Variants in MAN1C1 observed in about 807,000 individuals in gnomAD.
MAN1C1 encodes the protein mannosyl-oligosaccharide 1,2-alpha-mannosidase IC.
MAN1C1 carries 49 observed loss-of-function variants against 71.5 expected under a neutral mutation model. The ratio of observed to expected loss-of-function variants is 0.69; its 90% CI spans 0.54 to 0.87. The LOEUF (loss-of-function observed/expected upper bound fraction) is 0.87. Among genes scored for constraint, MAN1C1 ranks in the 40% least tolerant of loss-of-function variants. The pLI is 0.00. For synonymous variants in MAN1C1, 352 were observed against 343.7 expected, an observed-to-expected ratio of 1.02 and a Z score of -0.27; for missense variants, 743 against 835.0, an observed-to-expected ratio of 0.89 and a Z score of 1.36.
At chr1:25,623,636 G>GA (rs1169582921) in intron 1 of MAN1C1, among the ~76,000 whole-genome samples, 4 of 152,112 alleles carry the variant, frequency 2.6e-5, no homozygotes, top group Non-Finnish European at 5.9e-5. Context: ...TTCTCTTATT[G>GA]AAAAAAATAA....
chr1:25,747,202 C>T (rs915403282), intron 3 of MAN1C1, among the ~76,000 whole-genome samples: 1 of 152,250 alleles, frequency 6.6e-6, no homozygotes. Context: ...TGAGCCCGCC[C>T]TGCACTGGCC....
intron 1 of MAN1C1, among the ~76,000 whole-genome samples, chr1:25,655,342 G>A (rs2045749821): frequency 6.6e-6 from 1 of 152,196 alleles, no homozygotes; most frequent in South Asian, 2.1e-4. Context: ...TGCTCTTCCA[G>A]GGTTAAAGTT....
chr1:25,654,847 A>G (rs996293395), intron 1 of MAN1C1, among the ~76,000 whole-genome samples: 1 of 151,916 alleles, frequency 6.6e-6, no homozygotes, highest in Non-Finnish European at 1.5e-5. Flanking sequence ...GGGTTTCACC[A>G]TGTTGGCCGG....
At chr1:25,637,892 A>G (rs1179050525) in intron 1 of MAN1C1, among the ~76,000 whole-genome samples, 1 of 92,196 alleles carries the variant, frequency 1.1e-5, no homozygotes, top group African/African-American at 5.5e-5. Context: ...GTATGGTAGA[A>G]CTTTTTCCAT....
At chr1:25,640,643 A>G (rs1317871975) in intron 1 of MAN1C1, among the ~76,000 whole-genome samples, 1 of 152,202 alleles carries the variant, frequency 6.6e-6, no homozygotes, top group African/African-American at 2.4e-5. Context: ...AACCCTTTGT[A>G]GAGAAAGGTT....
chr1:25,756,335 C>T (rs1033298433), intron 5 of MAN1C1, among the ~76,000 whole-genome samples: 5 of 152,176 alleles, frequency 3.3e-5, no homozygotes, highest in Non-Finnish European at 7.3e-5. Context: ...AGAGGAAAGG[C>T]GCCCAGCCAC....
intron 1 of MAN1C1, among the ~76,000 whole-genome samples, chr1:25,663,746 T>C (rs543475341): frequency 1.3e-4 from 20 of 152,264 alleles, no homozygotes; most frequent in African/African-American, 4.6e-4. Flanking sequence ...GACAATTCCA[T>C]TGAAGTCGCG....
At chr1:25,665,667 G>A (rs1245995890) in intron 1 of MAN1C1, among the ~76,000 whole-genome samples, 1 of 152,020 alleles carries the variant, frequency 6.6e-6, no homozygotes, top group Non-Finnish European at 1.5e-5. Context: ...GGAGAAAACA[G>A]GGCATTAGAT....
chr1:25,690,509 T>A lies in MAN1C1; in HGVS notation c.637+3973T>A, dbSNP rs184728142. ...GGTTTCACCATGTTGGTCAGGCTTG[T>A]CTCAAACTCCTGACCTTGTGATCTT... On this transcript the variant is annotated intron_variant, in intron 2 of 11. Transcript: ENST00000374332. 5.0e-3 allele frequency among the ~76,000 whole-genome samples: 765 copies of A among 152,298 alleles called. 5 individuals carry two copies. The highest frequency in any genetic ancestry group is 0.018 in the African/African-American group (741 of 41,574).
chr1:25,753,557 A>G lies in MAN1C1; in HGVS notation c.908A>G (p.Lys303Arg). 6.2e-7 allele frequency: 1 copy of G among 1,613,654 alleles called. No individual in the cohort carries two copies. The highest frequency in any genetic ancestry group is 8.5e-7 in the Non-Finnish European group (1 of 1,179,804). ...TTCAACACCCCCACGGGAATCCCAA[A>G]GGGCGTGGTGAGCTTCAAAAGGTAG... ...PAFNTPTGIP[K>R]GVVSFKSGNW... Residue 303 changes from lysine to arginine, a missense_variant, in exon 5 of 12, where the codon AAG becomes AGG. Coordinates refer to ENST00000374332, the MANE Select transcript of MAN1C1 (RefSeq NM_020379.4). This position sits in a 1 kb window ranked among gnomAD's most constrained non-coding sequence, Gnocchi z 4.9.
chr1:25,761,281 G>A (rs1055870427), intron 6 of MAN1C1: 19 of 152,118 alleles, frequency 1.2e-4, no homozygotes, highest in African/African-American at 3.6e-4. Context: ...TTATTCAGGA[G>A]CCCAAGCCTC....
chr1:25,666,559 T>A (rs2045927408), intron 1 of MAN1C1, among the ~76,000 whole-genome samples: 1 of 152,106 alleles, frequency 6.6e-6, no homozygotes. Context: ...GTAGAAGCCA[T>A]CCTCCTTAGA....
chr1:25,780,911 C>T, intron 9 of MAN1C1, 29 bp from the exon 10 acceptor site: 1 of 1,609,374 alleles, frequency 6.2e-7, no homozygotes, highest in Non-Finnish European at 8.5e-7. Context: ...GAGGTCTGAC[C>T]TGGGCCCTCT....
At chr1:25,669,195 C>A (rs2045963415) in intron 1 of MAN1C1, among the ~76,000 whole-genome samples, 1 of 152,108 alleles carries the variant, frequency 6.6e-6, no homozygotes, top group South Asian at 2.1e-4. Flanking sequence ...GTTTACAGGC[C>A]CCAGCAGGAA....
At chr1:25,757,648 C>T (rs1379061206) in intron 5 of MAN1C1, among the ~76,000 whole-genome samples, 2 of 152,208 alleles carry the variant, frequency 1.3e-5, no homozygotes, top group Non-Finnish European at 2.9e-5. Flanking sequence ...GGCACGGAGG[C>T]ATGCGAGGAT....
At chr1:25,714,721 G>A (rs2046657766) in intron 2 of MAN1C1, among the ~76,000 whole-genome samples, 2 of 152,212 alleles carry the variant, frequency 1.3e-5, no homozygotes, top group Admixed American at 1.3e-4. Context: ...GGTTTACAAT[G>A]TCACATACCA....
chr1:25,700,767 G>T (rs958796596), intron 2 of MAN1C1, among the ~76,000 whole-genome samples: 19 of 152,242 alleles, frequency 1.2e-4, no homozygotes, highest in Admixed American at 2.6e-4. Flanking sequence ...GGTAGATTTT[G>T]ACAGACATCA....
chr1:25,770,452 T>G (rs879072632), intron 7 of MAN1C1, among the ~76,000 whole-genome samples: 2 of 152,200 alleles, frequency 1.3e-5, no homozygotes, highest in Admixed American at 1.3e-4. Flanking sequence ...ACATTTGTCT[T>G]TCTTTCTCTA....
intron 2 of MAN1C1, among the ~76,000 whole-genome samples, chr1:25,701,698 G>T (rs558605530): frequency 1.3e-5 from 2 of 152,216 alleles, no homozygotes; most frequent in Non-Finnish European, 2.9e-5. Flanking sequence ...TTCAAAGGGC[G>T]TGCGATGTGC....
Sources: allele counts gnomAD v4.1 joint callset (sites outside exome capture counted in the v4.1 genomes callset), GRCh38; gene constraint gnomAD v4.1.1; non-coding constraint Gnocchi (gnomAD v3.1); transcripts MANE v1.5; gene names NCBI Gene and HGNC (gene_info 2026-07-23, HGNC 2026-07-21).